TRPV4: variants seen among roughly 807,000 people sequenced by gnomAD.
The protein encoded by TRPV4 is OSM9-like transient receptor potential channel 4.
In TRPV4, 58 loss-of-function variants were observed where a neutral mutation model predicts 84.1. The ratio of observed to expected loss-of-function variants is 0.69; its 90% confidence interval spans 0.56 to 0.86. TRPV4 has a LOEUF of 0.86. TRPV4 is among the 40% of genes least tolerant of loss of function. The pLI is 0.00. For missense variants in TRPV4, 879 were observed against 1,181.1 expected, an observed-to-expected ratio of 0.74 and a Z score of 3.75; for synonymous variants, 489 against 500.9, an observed-to-expected ratio of 0.98 and a Z score of 0.32.
Position 109,793,220 on chromosome 12 carries a change from C to G in TRPV4, c.1658+307G>C, listed in dbSNP as rs775011296. Among the ~76,000 whole-genome samples, 2 of 152,210 alleles carry G rather than the reference C, an allele frequency of 1.3e-5. No individual in the cohort carries two copies. The highest frequency in any genetic ancestry group is 2.4e-5 in the African/African-American group (1 of 41,446). The stretch of plus-strand genomic sequence containing the variant: ...ATTAATCAATCCCAACTCTTTCCCA[C>G]TAAACACAGACACAGGTGCAAAATT... On this transcript the variant is annotated intron_variant, in intron 10 of 15. Transcript: ENST00000261740. This position sits in a 1 kb window ranked among gnomAD's most constrained non-coding sequence, Gnocchi z 4.0.
chr12:109,802,307 T>G (rs1442710826), intron 4 of TRPV4, among the ~76,000 whole-genome samples: 1 of 145,392 alleles, frequency 6.9e-6, no homozygotes, highest in Non-Finnish European at 1.5e-5. Context: ...TTTTGCATCT[T>G]TTTTTTTTTT....
At chr12:109,811,712 T>C (rs1404026425) in intron 2 of TRPV4, among the ~76,000 whole-genome samples, 4 of 140,276 alleles carry the variant, frequency 2.9e-5, no homozygotes, top group Non-Finnish European at 6.2e-5. Context: ...TGTGAATAAA[T>C]AAAGGGGGCG....
At chr12:109,809,645 C>CCACA (rs1178575792) in intron 2 of TRPV4, among the ~76,000 whole-genome samples, 2 of 148,946 alleles carry the variant, frequency 1.3e-5, no homozygotes, top group Non-Finnish European at 3.0e-5. Flanking sequence ...GCCTATCCAC[C>CCACA]CACCCACCCA....
Position 109,788,393 on chromosome 12 carries a change from G to T in TRPV4, c.2208+7C>A. The T allele has an allele frequency of 5.0e-6, 8 of 1,612,242 alleles. No individual in the cohort carries two copies. The highest frequency in any genetic ancestry group is 1.1e-5 in the South Asian group (1 of 90,914). ...GTAGAGTGGGGCTGGGGGCCCTGGG[G>T]CCTCACCTGCAGCTTCCAGATGTGC... On this transcript the variant is annotated splice_region_variant and intron_variant, in intron 13 of 15. Transcript: ENST00000261740.
At chr12:109,792,521 G>A in intron 11 of TRPV4, 92 bp from the exon 12 acceptor site, 1 of 1,574,716 alleles carries the variant, frequency 6.4e-7, no homozygotes, top group Non-Finnish European at 8.7e-7. Flanking sequence ...TCCCACCCCA[G>A]TGTCCAGACC....
At chr12:109,823,064 G>A (rs548653862) in intron 1 of TRPV4, among the ~76,000 whole-genome samples, 4 of 152,318 alleles carry the variant, frequency 2.6e-5, no homozygotes, top group African/African-American at 4.8e-5. Context: ...GGGAACAGCC[G>A]GCTGGGAGCT....
chr12:109,784,295 C>G (rs543628136), intron 15 of TRPV4, 21 bp downstream of exon 15: 6 of 1,613,906 alleles, frequency 3.7e-6, no homozygotes, highest in Non-Finnish European at 5.1e-6. Flanking sequence ...GGCTCCCCTC[C>G]GCACCCGCCC....
chr12:109,806,059 C>T (rs945185901), intron 3 of TRPV4, among the ~76,000 whole-genome samples: 5 of 152,258 alleles, frequency 3.3e-5, no homozygotes, highest in Admixed American at 1.3e-4. Context: ...AATGAGATTA[C>T]TCATGCCATC....
intron 4 of TRPV4, among the ~76,000 whole-genome samples, chr12:109,801,815 G>GC (rs1186367544): frequency 1.3e-5 from 2 of 152,078 alleles, no homozygotes; most frequent in Non-Finnish European, 2.9e-5. Flanking sequence ...GGGTAACAGA[G>GC]CAAGACCTTG....
At chr12:109,808,766 T>A (rs1032898255) in intron 2 of TRPV4, among the ~76,000 whole-genome samples, 3 of 146,116 alleles carry the variant, frequency 2.1e-5, no homozygotes, top group African/African-American at 8.2e-5. Context: ...TATCCATCCA[T>A]CCATCCATCA....
intron 3 of TRPV4, among the ~76,000 whole-genome samples, chr12:109,806,594 C>A (rs538195922): frequency 6.6e-6 from 1 of 151,424 alleles, no homozygotes; most frequent in African/African-American, 2.4e-5. Flanking sequence ...GTGGCTCATG[C>A]CTGTAATCCC....
chr12:109,831,928 T>C (rs1892420041), intron 1 of TRPV4, among the ~76,000 whole-genome samples: 1 of 152,232 alleles, frequency 6.6e-6, no homozygotes, highest in Non-Finnish European at 1.5e-5. Flanking sequence ...CCATCATTCT[T>C]CAAACAGAAT....
At chr12:109,818,237 C>T (rs1891944930) in intron 1 of TRPV4, among the ~76,000 whole-genome samples, 1 of 152,096 alleles carries the variant, frequency 6.6e-6, no homozygotes, top group African/African-American at 2.4e-5. Context: ...GCCTCCCCAC[C>T]AGGAAGCTCG....
In TRPV4 at chr12:109,783,900, C is replaced by T. The variant is rs547263756; in HGVS notation, c.2459-122G>A. On this transcript the variant is annotated intron_variant, in intron 15 of 15. Coordinates refer to ENST00000261740, the MANE Select transcript of TRPV4 (RefSeq NM_021625.5). The surrounding 1 kb of genome is among the most constrained non-coding windows in gnomAD (Gnocchi z 4.6). Reference sequence around the variant, plus strand: ...TCTGAAGGGGGGATGTGACTATGCTCATTTTACAGAGGTGGAAACTGGGGC... The same window carrying T: ...TCTGAAGGGGGGATGTGACTATGCTTATTTTACAGAGGTGGAAACTGGGGC... 22 of 1,214,482 alleles carry T rather than the reference C, an allele frequency of 1.8e-5. No homozygotes were observed. The East Asian group carries it at 3.2e-4, about 17-fold the overall frequency. The allele number at this position is 1,214,482 out of a possible 1,614,324, so 75.2% of individuals were successfully genotyped here. A position where few individuals can be genotyped will look rare whatever the true frequency, so the allele number is the denominator to read the frequency against.
At position 109,784,341 on chromosome 12, in the gene TRPV4, C is replaced by G. The variant is rs34071623; in HGVS notation, c.2433G>C (p.Ser811=). The G allele has an allele frequency of 9.4e-3, 15,113 of 1,614,148 alleles. 140 individuals are homozygous for G. The highest frequency in any genetic ancestry group is 0.022 in the South Asian group (1,992 of 91,080). Residue 811 remains serine (S), a synonymous_variant, in exon 15 of 16, where the codon TCG becomes TCC. Transcript: ENST00000261740. Reference sequence around the variant, plus strand: ...CCCTGCGGAGGCGGCCCACGGTATGCGAGAAGCCATAATACTGGTAGGTCT... The same window carrying G: ...CCCTGCGGAGGCGGCCCACGGTATGGGAGAAGCCATAATACTGGTAGGTCT... ...KNETYQYYGF[S]HTVGRLRRDR... is the part of the protein sequence containing the mutation.
In TRPV4 at chr12:109,793,843, G is replaced by C; in HGVS notation, c.1584+87C>G. The C allele has an allele frequency of 9.5e-7, 1 of 1,053,474 alleles. No individual in the cohort carries two copies. The highest frequency in any genetic ancestry group is 1.3e-5 in the South Asian group (1 of 74,514). The allele number at this position is 1,053,474 out of a possible 1,614,324, so 65.3% of individuals were successfully genotyped here. On this transcript the variant is annotated intron_variant, in intron 9 of 15. Transcript: ENST00000261740. The surrounding 1 kb of genome is among the most constrained non-coding windows in gnomAD (Gnocchi z 4.0). ...AAGGAGAAGGACCATTTGGAGGAGA[G>C]AGAAGAGAAAAAGAGGGAGAGAAAA...
chr12:109,785,048 G>A (rs919938885), intron 14 of TRPV4, among the ~76,000 whole-genome samples: 3 of 151,892 alleles, frequency 2.0e-5, no homozygotes, highest in Non-Finnish European at 4.4e-5. Flanking sequence ...TTGAGACAGG[G>A]TCTCACTCCA....
intron 3 of TRPV4, among the ~76,000 whole-genome samples, chr12:109,803,866 A>G (rs887469036): frequency 3.3e-5 from 5 of 152,242 alleles, no homozygotes; most frequent in African/African-American, 9.6e-5. Context: ...AGAGCCTTTC[A>G]TACACTAACA....
Position 109,814,524 on chromosome 12 carries a change from A to G in TRPV4, c.273T>C (p.Tyr91=), listed in dbSNP as rs1054267901. The G allele has an allele frequency of 1.2e-6, 2 of 1,614,164 alleles. No homozygotes were observed. The highest frequency in any genetic ancestry group is 1.7e-6 in the Non-Finnish European group (2 of 1,180,016). Residue 91 remains tyrosine, a synonymous_variant, in exon 2 of 16, where the codon TAT becomes TAC. Coordinates refer to ENST00000261740, the MANE Select transcript of TRPV4 (RefSeq NM_021625.5). This position sits in a 1 kb window ranked among gnomAD's most constrained non-coding sequence, Gnocchi z 5.4. ...NPIDLLESTL[Y]ESSVVPGPKK... ...TGGGCCCAGGCACCACCGAGGACTC[A>G]TATAGGGTGGACTCCAGCAGATCGA...
Sources: gnomAD v4.1 joint callset for allele counts (sites outside exome capture counted in the v4.1 genomes callset) on GRCh38, gnomAD v4.1.1 for gene constraint, Gnocchi (gnomAD v3.1) non-coding constraint, MANE v1.5 for transcripts, NCBI Gene and HGNC (gene_info 2026-07-23, HGNC 2026-07-21) for gene names.